Variants in CTNND2 observed in about 807,000 individuals in gnomAD.
The protein encoded by CTNND2 is catenin delta-2.
CTNND2 carries 22 observed loss-of-function variants against 144.4 expected under a neutral mutation model. The observed-to-expected ratio is 0.15, with a 90% confidence interval of 0.11 to 0.22. CTNND2 has a LOEUF of 0.22. CTNND2 is among the 10% of genes least tolerant of loss of function. The pLI, the probability that CTNND2 is intolerant of heterozygous loss-of-function variation, is 1.00. For missense variants in CTNND2, 1,353 were observed against 1,618.8 expected, an observed-to-expected ratio of 0.84 and a Z score of 2.82; for synonymous variants, 751 against 695.6, an observed-to-expected ratio of 1.08 and a Z score of -1.25.
chr5:11,209,579 G>A (rs1738407968), intron 10 of CTNND2, among the ~76,000 whole-genome samples: 1 of 152,192 alleles, frequency 6.6e-6, no homozygotes, highest in South Asian at 2.1e-4. Context: ...AAGAATGAAT[G>A]AGGAGTCCTG....
chr5:11,022,216 C>T (rs554948461), intron 17 of CTNND2, among the ~76,000 whole-genome samples: 9 of 152,288 alleles, frequency 5.9e-5, no homozygotes, highest in Non-Finnish European at 1.0e-4. Flanking sequence ...CATATTGTGA[C>T]AGCCTCTCCC....
At chr5:11,764,224 G>A (rs1308528941) in intron 1 of CTNND2, among the ~76,000 whole-genome samples, 1 of 152,134 alleles carries the variant, frequency 6.6e-6, no homozygotes, top group Non-Finnish European at 1.5e-5. Flanking sequence ...GTCAGAGAAG[G>A]CAGGGAAATG....
At chr5:11,274,370 A>AG (rs1373147305) in intron 9 of CTNND2, among the ~76,000 whole-genome samples, 2 of 152,160 alleles carry the variant, frequency 1.3e-5, no homozygotes, top group African/African-American at 4.8e-5. Flanking sequence ...TTTCAGCAAT[A>AG]ACTAATAACT....
intron 1 of CTNND2, among the ~76,000 whole-genome samples, chr5:11,767,258 A>T (rs541721447): frequency 6.6e-6 from 1 of 152,310 alleles, no homozygotes; most frequent in East Asian, 1.9e-4. Flanking sequence ...CTCCAATCCC[A>T]TCAGTGCTTC....
chr5:11,889,590 A>G (rs1324781113), intron 1 of CTNND2, among the ~76,000 whole-genome samples: 1 of 152,232 alleles, frequency 6.6e-6, no homozygotes, highest in African/African-American at 2.4e-5. Context: ...AGGCACAGCT[A>G]ATTTAAATAA....
chr5:11,167,757 G>A (rs115134843), intron 11 of CTNND2, among the ~76,000 whole-genome samples: 175 of 150,494 alleles, frequency 1.2e-3, no homozygotes, highest in African/African-American at 4.1e-3. Context: ...GTGCAGCGGC[G>A]TGATCATGGC....
chr5:11,701,299 TC>T (rs1381309470), intron 2 of CTNND2, among the ~76,000 whole-genome samples: 1 of 152,144 alleles, frequency 6.6e-6, no homozygotes, highest in Non-Finnish European at 1.5e-5. Context: ...TGCAGAGAAT[TC>T]CATCGGATGT....
chr5:11,558,075 G>C (rs1017362765), intron 3 of CTNND2, among the ~76,000 whole-genome samples: 2 of 152,162 alleles, frequency 1.3e-5, no homozygotes, highest in Non-Finnish European at 1.5e-5. Flanking sequence ...CATAAATCTA[G>C]AAATCCATAG....
chr5:11,049,590 C>T (rs1487840635), intron 16 of CTNND2, among the ~76,000 whole-genome samples: 1 of 152,160 alleles, frequency 6.6e-6, no homozygotes. Flanking sequence ...TCAGCAGGTG[C>T]ACCAACCATC....
At chr5:11,371,764 A>G (rs1757495078) in intron 7 of CTNND2, among the ~76,000 whole-genome samples, 2 of 152,220 alleles carry the variant, frequency 1.3e-5, no homozygotes, top group Admixed American at 6.5e-5. Context: ...GTTGTTATAA[A>G]TGCAAAGATA....
intron 9 of CTNND2, among the ~76,000 whole-genome samples, chr5:11,239,680 C>T (rs1742009304): frequency 6.6e-6 from 1 of 152,260 alleles, no homozygotes; most frequent in African/African-American, 2.4e-5. Context: ...CCCACTCCTG[C>T]CTCACAGGCT....
chr5:11,627,086 TGGGTCATGA>T (rs1407337656), intron 2 of CTNND2, among the ~76,000 whole-genome samples: 1 of 152,150 alleles, frequency 6.6e-6, no homozygotes, highest in Non-Finnish European at 1.5e-5. Flanking sequence ...GCTCCAAAAT[TGGGTCATGA>T]GGAGCAAGTC....
intron 7 of CTNND2, among the ~76,000 whole-genome samples, chr5:11,375,051 A>C (rs1201023004): frequency 6.6e-6 from 1 of 152,196 alleles, no homozygotes; most frequent in Non-Finnish European, 1.5e-5. Flanking sequence ...TATTTTGAAA[A>C]ACATGTAAAC....
chr5:11,188,490 T>C (rs1735890897), intron 11 of CTNND2, among the ~76,000 whole-genome samples: 1 of 152,032 alleles, frequency 6.6e-6, no homozygotes, highest in Non-Finnish European at 1.5e-5. Context: ...TCAGGAAAAA[T>C]AGCTAATGCA....
intron 16 of CTNND2, among the ~76,000 whole-genome samples, chr5:11,066,336 C>A (rs1747586206): frequency 6.6e-6 from 1 of 152,228 alleles, no homozygotes; most frequent in Admixed American, 6.5e-5. Context: ...CCGCGCCCAG[C>A]CTTCCACAAT....
intron 6 of CTNND2, among the ~76,000 whole-genome samples, chr5:11,393,308 T>G (rs1003778387): frequency 2.6e-5 from 4 of 152,232 alleles, no homozygotes; most frequent in Non-Finnish European, 2.9e-5. Flanking sequence ...TTCCCTAAGA[T>G]TGCGGTTGTG....
At chr5:11,133,949 G>C (rs1755867215) in intron 12 of CTNND2, among the ~76,000 whole-genome samples, 1 of 152,140 alleles carries the variant, frequency 6.6e-6, no homozygotes, top group Non-Finnish European at 1.5e-5. Context: ...CCTACCCTTT[G>C]GTCGCTCAAC....
Position 11,101,407 on chromosome 5 carries a change from A to G in CTNND2, c.2464-2659T>C, listed in dbSNP as rs555441212. Among the ~76,000 whole-genome samples the G allele has an allele frequency of 2.0e-5, 3 of 152,350 alleles. No homozygotes were observed. In the South Asian group the frequency reaches 6.2e-4, roughly 32 times the overall value. On this transcript the variant is annotated intron_variant, in intron 14 of 21. Transcript: ENST00000304623. ...AGTTAGGATCAGACTGATGTAGGTG[A>G]GACAATTCTGCACATGCAAACTTTT...
rs186686324 is a variant in CTNND2, at chr5:11,520,920, T to C, written c.287+44024A>G. On this transcript the variant is annotated intron_variant, in intron 3 of 21. Transcript: ENST00000304623. ...GATGATAAAGATTTACATTTTGTGATGCAACAATGTGATTATATAAACCTA... is the reference window on the plus strand; with the variant it reads ...GATGATAAAGATTTACATTTTGTGACGCAACAATGTGATTATATAAACCTA... 2.3e-3 allele frequency among the ~76,000 whole-genome samples: 346 copies of C among 152,372 alleles called. 2 individuals carry two copies. The highest frequency in any genetic ancestry group is 7.9e-3 in the African/African-American group (329 of 41,586).
Sources: allele counts gnomAD v4.1 joint callset (sites outside exome capture counted in the v4.1 genomes callset), GRCh38; gene constraint gnomAD v4.1.1; transcripts MANE v1.5; gene names NCBI Gene and HGNC (gene_info 2026-07-23, HGNC 2026-07-21).